ADD2: variants seen among roughly 807,000 people sequenced by gnomAD.
ADD2 encodes adducin 2.
Under a neutral mutation model 83.0 loss-of-function variants are expected in ADD2, and 23 were observed. The observed-to-expected ratio is 0.28, with a 90% CI of 0.20 to 0.39. ADD2 has a LOEUF of 0.39. ADD2 is among the 10% of genes least tolerant of loss of function. ADD2 has a pLI of 1.00. For missense variants in ADD2, 758 were observed against 944.9 expected, an observed-to-expected ratio of 0.80 and a Z score of 2.59; for synonymous variants, 375 against 375.4, an observed-to-expected ratio of 1.00 and a Z score of 0.01.
chr2:70,747,237 C>G (rs753110157), intron 1 of ADD2, among the ~76,000 whole-genome samples: 11 of 152,144 alleles, frequency 7.2e-5, no homozygotes, highest in Non-Finnish European at 1.6e-4. Context: ...GTCTCGATCT[C>G]CTGACCTCAA....
intron 15 of ADD2, among the ~76,000 whole-genome samples, chr2:70,671,615 C>T (rs1231224288): frequency 3.3e-5 from 5 of 152,104 alleles, no homozygotes; most frequent in Non-Finnish European, 5.9e-5. Context: ...GATGAAGGCA[C>T]AAATGGGAAG....
At chr2:70,671,047 G>C (rs1306837916) in intron 15 of ADD2, among the ~76,000 whole-genome samples, 2 of 152,126 alleles carry the variant, frequency 1.3e-5, no homozygotes, top group African/African-American at 4.8e-5. Context: ...ACTCCTCCAT[G>C]AGCCTCCTCT....
At chr2:70,687,748 G>A (rs1558532906) in intron 9 of ADD2, among the ~76,000 whole-genome samples, 1 of 152,190 alleles carries the variant, frequency 6.6e-6, no homozygotes, top group African/African-American at 2.4e-5. Context: ...CAGTTGATGA[G>A]CCCAGGCAGC....
intron 1 of ADD2, among the ~76,000 whole-genome samples, chr2:70,752,517 C>T (rs1269766912): frequency 6.6e-6 from 1 of 151,934 alleles, no homozygotes; most frequent in Non-Finnish European, 1.5e-5. Context: ...TATAATGGAG[C>T]CAAGTAGAAA....
chr2:70,696,048 T>G (rs1363736085), intron 5 of ADD2, among the ~76,000 whole-genome samples, 197 bp downstream of exon 5: 2 of 152,206 alleles, frequency 1.3e-5, no homozygotes, highest in Non-Finnish European at 2.9e-5. Flanking sequence ...CAGGAGTTCC[T>G]TCCCATCCAA....
chr2:70,755,848 C>G (rs1018513637), intron 1 of ADD2, among the ~76,000 whole-genome samples: 1 of 151,998 alleles, frequency 6.6e-6, no homozygotes, highest in Non-Finnish European at 1.5e-5. Context: ...ATCATGAGGT[C>G]AGGAGTTCGA....
intron 1 of ADD2, among the ~76,000 whole-genome samples, chr2:70,734,930 T>A (rs1308559589): frequency 1.3e-5 from 2 of 152,198 alleles, no homozygotes; most frequent in African/African-American, 4.8e-5. Flanking sequence ...AGAACTTGTG[T>A]GTACTAGGGG....
At chr2:70,673,032 G>A (rs199778040) in intron 14 of ADD2, 26 bp from the exon 15 acceptor site, 886 of 1,604,946 alleles carry the variant, frequency 5.5e-4, no homozygotes, top group Non-Finnish European at 7.1e-4. Context: ...AACACCTCAG[G>A]ATAGAGGTCA....
chr2:70,684,111 G>A (rs781892528), intron 9 of ADD2, among the ~76,000 whole-genome samples: 14 of 152,126 alleles, frequency 9.2e-5, no homozygotes, highest in Admixed American at 4.6e-4. Flanking sequence ...ACTTCAAAGC[G>A]GACTTCAGTT....
At chr2:70,720,190 C>T (rs965468481) in intron 1 of ADD2, among the ~76,000 whole-genome samples, 1 of 152,106 alleles carries the variant, frequency 6.6e-6, no homozygotes, top group Non-Finnish European at 1.5e-5. Context: ...CACTATCCCT[C>T]CCCTCTCCAG....
intron 1 of ADD2, among the ~76,000 whole-genome samples, chr2:70,747,004 T>C (rs1674234413): frequency 7.3e-6 from 1 of 136,086 alleles, no homozygotes; most frequent in African/African-American, 3.0e-5. Flanking sequence ...CAGTCCAATA[T>C]GGATTTTTTT....
intron 1 of ADD2, among the ~76,000 whole-genome samples, chr2:70,717,076 G>A (rs1233458558): frequency 2.6e-5 from 4 of 151,960 alleles, no homozygotes; most frequent in Admixed American, 6.6e-5. Flanking sequence ...TCCCTCAGCT[G>A]GGACCCTCCT....
At chr2:70,689,217 G>A (rs7562539) in intron 8 of ADD2, among the ~76,000 whole-genome samples, 5,709 of 152,292 alleles carry the variant, frequency 0.037, 313 homozygotes, top group African/African-American at 0.12. Context: ...GAGTAAAAGT[G>A]GGGGAACCCA....
At chr2:70,714,408 T>C (rs1245932860) in intron 1 of ADD2, among the ~76,000 whole-genome samples, 1 of 152,136 alleles carries the variant, frequency 6.6e-6, no homozygotes, top group Non-Finnish European at 1.5e-5. Flanking sequence ...CAAGGAGAAC[T>C]CATCTTGGTA....
intron 15 of ADD2, among the ~76,000 whole-genome samples, chr2:70,672,428 G>A (rs1669933183): frequency 6.6e-6 from 1 of 152,224 alleles, no homozygotes; most frequent in Non-Finnish European, 1.5e-5. Flanking sequence ...AGCTCCGCAA[G>A]TGATTCCAAT....
chr2:70,732,292 A>C (rs1673323061), intron 1 of ADD2, among the ~76,000 whole-genome samples: 1 of 151,946 alleles, frequency 6.6e-6, no homozygotes, highest in African/African-American at 2.4e-5. Context: ...ACTCCTTCCT[A>C]AAGCTCGTCT....
At chr2:70,723,412 A>T (rs1191202647) in intron 1 of ADD2, among the ~76,000 whole-genome samples, 1 of 150,550 alleles carries the variant, frequency 6.6e-6, no homozygotes, top group Non-Finnish European at 1.5e-5. Context: ...TTTTTATCAC[A>T]GTCTGGATTC....
At chr2:70,713,765 G>C (rs1457260070) in intron 1 of ADD2, among the ~76,000 whole-genome samples, 1 of 152,108 alleles carries the variant, frequency 6.6e-6, no homozygotes, top group Non-Finnish European at 1.5e-5. Flanking sequence ...GCAGAATGTG[G>C]AACTCCTGCA....
intron 14 of ADD2, chr2:70,673,497 T>C (rs1209432370): frequency 1.6e-6 from 1 of 607,808 alleles, no homozygotes; most frequent in Non-Finnish European, 2.9e-6. Flanking sequence ...ATTTACATTT[T>C]CTGTCCAAAC....
Sources: allele counts gnomAD v4.1 joint callset (sites outside exome capture counted in the v4.1 genomes callset), GRCh38; gene constraint gnomAD v4.1.1; transcripts MANE v1.5; gene names NCBI Gene and HGNC (gene_info 2026-07-23, HGNC 2026-07-21).